The following WDR27 variants were observed in gnomAD, a reference collection of about 807,000 sequenced individuals.
WDR27 encodes the protein WD repeat domain 27.
Under a neutral mutation model 114.4 loss-of-function variants are expected in WDR27, and 100 were observed. That is an observed-to-expected ratio of 0.87 (90% CI 0.74 to 1.03). WDR27 has a LOEUF of 1.03. Ranked by LOEUF, WDR27 falls within the 50% of genes least tolerant of loss-of-function variation. The pLI is 0.00. For missense variants in WDR27, 1,129 were observed against 1,092.9 expected, an observed-to-expected ratio of 1.03 and a Z score of -0.47; for synonymous variants, 449 against 423.1, an observed-to-expected ratio of 1.06 and a Z score of -0.75.
intron 24 of WDR27, among the ~76,000 whole-genome samples, chr6:169,580,962 T>TAC (rs1248475705): frequency 6.8e-6 from 1 of 147,852 alleles, no homozygotes; most frequent in Non-Finnish European, 1.5e-5. Context: ...TACATATATA[T>TAC]ATATATAAAT....
the WDR27 span, among the ~76,000 whole-genome samples, chr6:169,430,872 A>G: frequency 6.6e-5 from 10 of 152,244 alleles, no homozygotes. Context: ...GGCATCATAC[A>G]TAGGCGGCCC....
the WDR27 span, among the ~76,000 whole-genome samples, chr6:169,444,303 T>G: frequency 2.0e-5 from 3 of 152,210 alleles, no homozygotes; most frequent in African/African-American, 7.2e-5. Flanking sequence ...CATCATCAAA[T>G]GATGGTCTCC....
intron 25 of WDR27, among the ~76,000 whole-genome samples, chr6:169,546,261 A>G (rs965969334): frequency 6.6e-6 from 1 of 152,236 alleles, no homozygotes; most frequent in Non-Finnish European, 1.5e-5. Context: ...CAACCCAGCA[A>G]CTGCATACCT....
At chr6:169,488,646 G>T (rs2115423332) in intron 25 of WDR27, among the ~76,000 whole-genome samples, 1 of 152,304 alleles carries the variant, frequency 6.6e-6, no homozygotes, top group East Asian at 1.9e-4. Flanking sequence ...AGATAAAGGA[G>T]AACTCCCCAA....
In WDR27 at chr6:169,477,509, G is replaced by A. The variant is rs140719035; in HGVS notation, c.2646-19875C>T. 1.3e-3 allele frequency among the ~76,000 whole-genome samples: 204 copies of A among 152,276 alleles called. 3 individuals are homozygous for A. In the East Asian group the frequency reaches 0.032, roughly 24 times the overall value. ...GCTGGAGTGCAGTGGTGCAATCTCA[G>A]CTCGCTGAAACCTCCGCCTCCCAGG... On this transcript the variant is annotated intron_variant, in intron 25 of 25. Coordinates refer to ENST00000448612, the MANE Select transcript of WDR27 (RefSeq NM_182552.5).
chr6:169,670,654 C>T lies in WDR27; in HGVS notation c.371G>A (p.Gly124Glu). 6.2e-7 allele frequency: 1 copy of T among 1,613,998 alleles called. No homozygotes were observed. Among genetic ancestry groups the T allele is most frequent in the Non-Finnish European group, 8.5e-7 (1 of 1,179,898 alleles). ...PRGTVMGSLL[G>E]KVLCLQLSLD... ...GCTCAACTGTAAACACAGCACCTTTCCCAAAAGCGAGCCCATGACAGTCCC... is the reference window on the plus strand; with the variant it reads ...GCTCAACTGTAAACACAGCACCTTTTCCAAAAGCGAGCCCATGACAGTCCC... The change falls in exon 4 of 26, where the codon GGA becomes GAA. Residue 124 changes from glycine to glutamate, a missense_variant. Gly to Glu is a moderately conservative substitution (Grantham distance 98). Coordinates refer to ENST00000448612, the MANE Select transcript of WDR27 (RefSeq NM_182552.5).
At chr6:169,693,198 A>T (rs1343369407) in intron 1 of WDR27, among the ~76,000 whole-genome samples, 3 of 152,180 alleles carry the variant, frequency 2.0e-5, no homozygotes, top group African/African-American at 7.2e-5. Flanking sequence ...TACCCTCCTT[A>T]AACAAAATGA....
chr6:169,480,444 G>A lies in WDR27; in HGVS notation c.2646-22810C>T, dbSNP rs566161242. Among the ~76,000 whole-genome samples the A allele has an allele frequency of 2.6e-5, 4 of 152,378 alleles. No homozygotes were observed. In the South Asian group the frequency reaches 8.3e-4, roughly 32 times the overall value. ...GTATGCAGGCGTGCAGCGTGGGACTGGTGGTCAGCTCTGCCTAAGGCCCCA... is the reference window on the plus strand; with the variant it reads ...GTATGCAGGCGTGCAGCGTGGGACTAGTGGTCAGCTCTGCCTAAGGCCCCA... On this transcript the variant is annotated intron_variant, in intron 25 of 25. Transcript: ENST00000448612.
intron 25 of WDR27, among the ~76,000 whole-genome samples, chr6:169,547,846 G>C (rs1397787625): frequency 6.6e-6 from 1 of 151,606 alleles, no homozygotes; most frequent in African/African-American, 2.4e-5. Flanking sequence ...ATACAGATTG[G>C]TAAAGAAGAA....
At position 169,489,095 on chromosome 6, in the gene WDR27, G is replaced by A. The variant is rs544606799; in HGVS notation, c.2646-31461C>T. Reference sequence around the variant, plus strand: ...ATCTAGTTTGGTGCTTTTACTTCCCGACCCTGGTGCAGATGCAGAGATGTT... The same window carrying A: ...ATCTAGTTTGGTGCTTTTACTTCCCAACCCTGGTGCAGATGCAGAGATGTT... On this transcript the variant is annotated intron_variant, in intron 25 of 25. Transcript: ENST00000448612. Among the ~76,000 whole-genome samples the A allele has an allele frequency of 7.9e-5, 12 of 152,066 alleles. No homozygotes were observed. In the South Asian group the frequency reaches 1.5e-3, roughly 18 times the overall value.
intron 21 of WDR27, among the ~76,000 whole-genome samples, chr6:169,622,943 T>C (rs1313530346): frequency 1.3e-5 from 2 of 152,184 alleles, no homozygotes; most frequent in Non-Finnish European, 2.9e-5. Flanking sequence ...ACAAATCCCC[T>C]TCTTGCCTGG....
rs978132298 is a variant in WDR27, at chr6:169,638,144, G to A, written c.1869+395C>T. Among the ~76,000 whole-genome samples the A allele has an allele frequency of 1.1e-4, 10 of 94,740 alleles. 1 individual carries two copies. Among genetic ancestry groups the A allele is most frequent in the South Asian group, 9.0e-4 (3 of 3,320 alleles). The allele number at this position is 94,740 out of a possible 152,430, so 62.2% of individuals were successfully genotyped here. On this transcript the variant is annotated intron_variant, in intron 18 of 25. Transcript: ENST00000448612. ...ATCCTGGCTAACAAGGTGAAACCCC[G>A]TCTCTACTAAAAATACAAAAAATTA... is the stretch of plus-strand genomic sequence containing the variant.
chr6:169,586,484 A>G (rs774461740), intron 23 of WDR27, among the ~76,000 whole-genome samples: 1 of 152,096 alleles, frequency 6.6e-6, no homozygotes, highest in Non-Finnish European at 1.5e-5. Context: ...GTTTGGGGGC[A>G]AGACCACTTT....
chr6:169,642,098 C>T (rs1268785826), intron 17 of WDR27, among the ~76,000 whole-genome samples: 1 of 152,074 alleles, frequency 6.6e-6, no homozygotes, highest in Non-Finnish European at 1.5e-5. Flanking sequence ...GCTCAGAGGC[C>T]CCTGAACTCT....
downstream of WDR27, among the ~76,000 whole-genome samples, chr6:169,453,059 T>G (rs1045602209): frequency 2.0e-5 from 3 of 152,244 alleles, no homozygotes; most frequent in Non-Finnish European, 4.4e-5. Flanking sequence ...CCCCCAGGCC[T>G]AGGGCTGATC....
At chr6:169,641,355 A>C (rs987051840) in intron 17 of WDR27, among the ~76,000 whole-genome samples, 1 of 152,178 alleles carries the variant, frequency 6.6e-6, no homozygotes, top group Non-Finnish European at 1.5e-5. Flanking sequence ...CAAGGTGCCC[A>C]TGGGGGACCA....
intron 21 of WDR27, among the ~76,000 whole-genome samples, chr6:169,621,503 C>A (rs1813238209): frequency 6.6e-6 from 1 of 151,988 alleles, no homozygotes; most frequent in African/African-American, 2.4e-5. Flanking sequence ...TACATACCCA[C>A]ACATGCATTC....
At chr6:169,514,553 A>C (rs954705334) in intron 25 of WDR27, among the ~76,000 whole-genome samples, 18 of 147,334 alleles carry the variant, frequency 1.2e-4, no homozygotes, top group East Asian at 1.2e-3. Context: ...GGAAAAATAT[A>C]TATATAAAAT....
chr6:169,624,767 T>C (rs1301167473), intron 21 of WDR27, among the ~76,000 whole-genome samples: 3 of 152,184 alleles, frequency 2.0e-5, no homozygotes, highest in Non-Finnish European at 4.4e-5. Context: ...GGCCTGTGAC[T>C]GATGCCTGGC....
Sources: allele counts gnomAD v4.1 joint callset (sites outside exome capture counted in the v4.1 genomes callset), GRCh38; gene constraint gnomAD v4.1.1; transcripts MANE v1.5; gene names NCBI Gene and HGNC (gene_info 2026-07-23, HGNC 2026-07-21).